The following B4GALT1 variants were observed in gnomAD, a reference collection of about 807,000 sequenced individuals.
The protein encoded by B4GALT1 is beta-1,4-galactosyltransferase 1.
In B4GALT1, 16 loss-of-function variants were observed where a neutral mutation model predicts 34.9. The ratio of observed to expected loss-of-function variants is 0.46; its 90% CI spans 0.31 to 0.70. B4GALT1 has a LOEUF of 0.70. Ranked by LOEUF, B4GALT1 falls within the 30% of genes least tolerant of loss-of-function variation. The pLI is 0.05. For synonymous variants in B4GALT1, 221 were observed against 218.1 expected, an observed-to-expected ratio of 1.01 and a Z score of -0.12; for missense variants, 445 against 530.5, an observed-to-expected ratio of 0.84 and a Z score of 1.58.
At chr9:33,115,820 C>T (rs1839930233) in intron 4 of B4GALT1, among the ~76,000 whole-genome samples, 171 bp downstream of exon 4, 1 of 152,204 alleles carries the variant, frequency 6.6e-6, no homozygotes, top group South Asian at 2.1e-4. Flanking sequence ...CATTTTCCTA[C>T]AGATCCCTTT....
the B4GALT1 span, chr9:33,179,580 G>A: frequency 6.6e-6 from 1 of 152,196 alleles, no homozygotes; most frequent in Non-Finnish European, 1.5e-5. Flanking sequence ...CTTACTGTTA[G>A]ACTTACAACT....
intron 3 of B4GALT1, among the ~76,000 whole-genome samples, chr9:33,119,021 C>A (rs1189116690): frequency 6.6e-6 from 1 of 152,122 alleles, no homozygotes; most frequent in East Asian, 1.9e-4. Flanking sequence ...GCCACCACAC[C>A]TGGCTAATTT....
intron 1 of B4GALT1, among the ~76,000 whole-genome samples, chr9:33,162,170 C>T (rs1840684753): frequency 6.6e-6 from 1 of 152,174 alleles, no homozygotes; most frequent in Non-Finnish European, 1.5e-5. Context: ...GATTACTCAG[C>T]AGAACTAATG....
At chr9:33,116,467 C>T (rs1042322764) in intron 3 of B4GALT1, among the ~76,000 whole-genome samples, 2 of 150,492 alleles carry the variant, frequency 1.3e-5, no homozygotes, top group Non-Finnish European at 2.9e-5. Flanking sequence ...CGTGATCCAC[C>T]GGCCTCGGCC....
At chr9:33,127,772 A>C (rs1840134276) in intron 2 of B4GALT1, among the ~76,000 whole-genome samples, 1 of 152,266 alleles carries the variant, frequency 6.6e-6, no homozygotes, top group Non-Finnish European at 1.5e-5. Flanking sequence ...AAAGAATTTA[A>C]GGAAAAAGCA....
At chr9:33,141,063 A>G (rs1042176244) in intron 1 of B4GALT1, among the ~76,000 whole-genome samples, 7 of 152,220 alleles carry the variant, frequency 4.6e-5, no homozygotes, top group African/African-American at 1.7e-4. Context: ...GTTGGTTCTT[A>G]AGCATTTCAC....
chr9:33,131,593 T>A (rs56954854), intron 2 of B4GALT1, among the ~76,000 whole-genome samples: 14,782 of 152,228 alleles, frequency 0.097, 769 homozygotes, highest in Middle Eastern at 0.12. Context: ...TGTGTGTACA[T>A]GTGTGTGCAT....
At chr9:33,161,087 G>A (rs1394711305) in intron 1 of B4GALT1, among the ~76,000 whole-genome samples, 2 of 152,032 alleles carry the variant, frequency 1.3e-5, no homozygotes, top group Non-Finnish European at 2.9e-5. Flanking sequence ...CAGCGGGTGT[G>A]GGGAGTGGAT....
At chr9:33,107,457 C>T (rs1231110775), downstream of B4GALT1, among the ~76,000 whole-genome samples, 1 of 152,038 alleles carries the variant, frequency 6.6e-6, no homozygotes, top group East Asian at 1.9e-4. Context: ...TGGCCTCAGT[C>T]GAGAGCAGCA....
intron 2 of B4GALT1, among the ~76,000 whole-genome samples, chr9:33,126,024 G>A (rs1444259994): frequency 6.6e-6 from 1 of 152,160 alleles, no homozygotes; most frequent in Non-Finnish European, 1.5e-5. Context: ...CGTGATAAGA[G>A]AGACACTGTT....
Position 33,167,097 on chromosome 9 carries a change from G to A in B4GALT1, c.73C>T (p.Leu25=), listed in dbSNP as rs772787048. 11 of 1,604,994 alleles carry A rather than the reference G, an allele frequency of 6.9e-6. No individual in the cohort carries two copies. The highest frequency in any genetic ancestry group is 9.3e-6 in the Non-Finnish European group (11 of 1,178,960). Residue 25 remains leucine (L), a synonymous_variant, in exon 1 of 6, where the codon CTG becomes TTG. Transcript: ENST00000379731. ...PGASLQRACR[L]LVAVCALHLG... ...TGCAGAGCGCAGACGGCCACGAGCA[G>A]GCGGCAGGCCCGCTGTAGGGACGCG...
At chr9:33,164,418 T>TA (rs1274667552) in intron 1 of B4GALT1, among the ~76,000 whole-genome samples, 1 of 152,088 alleles carries the variant, frequency 6.6e-6, no homozygotes, top group Admixed American at 6.5e-5. Context: ...CAGACCCTAT[T>TA]AAAATGAAGA....
rs1354589308 is a variant in B4GALT1, at chr9:33,111,844, CAG to C, written c.*1608_*1609del. On this transcript the variant is annotated 3_prime_UTR_variant, in exon 6 of 6. Coordinates refer to ENST00000379731, the MANE Select transcript of B4GALT1 (RefSeq NM_001497.4). ...CCAACAGAGGTGGGTTTGTGACAGA[CAG>C]CCCTGTGGGTGGGAGCCTCAACTGG... is the stretch of plus-strand genomic sequence containing the variant. 6.6e-6 allele frequency: 1 copy of C among 152,516 alleles called. No individual in the cohort carries two copies. The highest frequency in any genetic ancestry group is 1.5e-5 in the Non-Finnish European group (1 of 68,058). The allele number at this position is 152,516 out of a possible 1,614,324, so 9.4% of individuals were successfully genotyped here.
At chr9:33,161,745 G>A (rs992591905) in intron 1 of B4GALT1, among the ~76,000 whole-genome samples, 5 of 152,172 alleles carry the variant, frequency 3.3e-5, no homozygotes, top group Admixed American at 1.3e-4. Flanking sequence ...TGCTCCACTG[G>A]ACAAGAAAAA....
chr9:33,104,811 C>A, intron 2 of B4GALT1: 1 of 428,466 alleles, frequency 2.3e-6, no homozygotes, highest in Admixed American at 2.9e-5. Flanking sequence ...ACAGAAAATG[C>A]ATCATTTTAC....
intron 2 of B4GALT1, among the ~76,000 whole-genome samples, chr9:33,130,755 C>T (rs1416130221): frequency 1.3e-5 from 2 of 151,862 alleles, no homozygotes; most frequent in Admixed American, 6.6e-5. Flanking sequence ...CCACCTGGCT[C>T]ACTCCACTAT....
At chr9:33,124,900 G>A (rs1176077221) in intron 2 of B4GALT1, among the ~76,000 whole-genome samples, 1 of 152,220 alleles carries the variant, frequency 6.6e-6, no homozygotes, top group Non-Finnish European at 1.5e-5. Flanking sequence ...GAGTCAGGGG[G>A]ACCTCTGGAG....
intron 2 of B4GALT1, among the ~76,000 whole-genome samples, chr9:33,126,380 G>C (rs1276220761): frequency 6.6e-6 from 1 of 152,198 alleles, no homozygotes; most frequent in Non-Finnish European, 1.5e-5. Context: ...TGAGTTTGTG[G>C]AGGGCTAATA....
intron 1 of B4GALT1, among the ~76,000 whole-genome samples, chr9:33,152,361 TAACATAACA>T (rs36044755): frequency 0.089 from 11,579 of 129,466 alleles, 551 homozygotes; most frequent in East Asian, 0.22. Context: ...TAACATAACA[TAACATAACA>T]ACTTCTACAT....
Sources: allele counts gnomAD v4.1 joint callset (sites outside exome capture counted in the v4.1 genomes callset), GRCh38; gene constraint gnomAD v4.1.1; transcripts MANE v1.5; gene names NCBI Gene and HGNC (gene_info 2026-07-23, HGNC 2026-07-21).